Variants in RPS6KC1 observed in about 807,000 individuals in gnomAD.
RPS6KC1 encodes the protein inactive ribosomal protein S6 kinase delta-1.
RPS6KC1 carries 54 observed loss-of-function variants against 103.8 expected under a neutral mutation model. The ratio of observed to expected loss-of-function variants is 0.52; its 90% CI spans 0.42 to 0.65. The LOEUF (loss-of-function observed/expected upper bound fraction) is 0.65, where lower values mean the gene tolerates loss of function less well. Ranked by LOEUF, RPS6KC1 falls within the 30% of genes least tolerant of loss-of-function variation. RPS6KC1 has a pLI of 0.00. For synonymous variants in RPS6KC1, 439 were observed against 438.7 expected (o/e 1.00, Z -0.01); for missense variants, 1,151 against 1,253.8 (o/e 0.92, Z 1.24).
the RPS6KC1 span, among the ~76,000 whole-genome samples, chr1:213,727,156 G>A: frequency 2.0e-5 from 3 of 152,216 alleles, no homozygotes; most frequent in Admixed American, 2.0e-4. Flanking sequence ...ATATGAATGA[G>A]TGGATGCACT....
chr1:213,666,488 G>A, the RPS6KC1 span, among the ~76,000 whole-genome samples: 1 of 152,148 alleles, frequency 6.6e-6, no homozygotes, highest in African/African-American at 2.4e-5. Context: ...CTCTAACAGT[G>A]GAATTCCTGG....
chr1:213,667,266 T>G, the RPS6KC1 span, among the ~76,000 whole-genome samples: 7 of 152,162 alleles, frequency 4.6e-5, no homozygotes, highest in African/African-American at 1.7e-4. Context: ...TTGCAAATTT[T>G]TATATATAGG....
At chr1:213,384,915 G>C in the RPS6KC1 span, among the ~76,000 whole-genome samples, 1 of 152,202 alleles carries the variant, frequency 6.6e-6, no homozygotes, top group Non-Finnish European at 1.5e-5. Context: ...TGCTGGTGCA[G>C]GGATTTTAAA....
chr1:213,544,244 G>C, the RPS6KC1 span, among the ~76,000 whole-genome samples: 2 of 152,164 alleles, frequency 1.3e-5, no homozygotes, highest in African/African-American at 4.8e-5. Flanking sequence ...TCCTTCTGCT[G>C]CAGGAGGTAG....
At chr1:213,180,036 T>C (rs1020474670) in intron 8 of RPS6KC1, among the ~76,000 whole-genome samples, 1 of 152,194 alleles carries the variant, frequency 6.6e-6, no homozygotes, top group Non-Finnish European at 1.5e-5. Flanking sequence ...TATGTTGATT[T>C]AGTATTCAAA....
the RPS6KC1 span, among the ~76,000 whole-genome samples, chr1:213,283,513 G>C: frequency 6.6e-6 from 1 of 152,222 alleles, no homozygotes; most frequent in African/African-American, 2.4e-5. Context: ...CTGAGAACAG[G>C]AGAACCCCAA....
chr1:213,351,895 C>G, the RPS6KC1 span, among the ~76,000 whole-genome samples: 5,970 of 152,128 alleles, frequency 0.039, 382 homozygotes, highest in African/African-American at 0.14. Flanking sequence ...AATGTATATA[C>G]AGGTATGCTG....
intron 4 of RPS6KC1, among the ~76,000 whole-genome samples, chr1:213,117,034 A>G (rs908265197): frequency 2.6e-5 from 4 of 152,138 alleles, no homozygotes; most frequent in African/African-American, 7.2e-5. Context: ...GTTTAGGTTT[A>G]TAGAAAAATT....
At chr1:213,515,417 G>A in the RPS6KC1 span, among the ~76,000 whole-genome samples, 1 of 152,172 alleles carries the variant, frequency 6.6e-6, no homozygotes, top group Non-Finnish European at 1.5e-5. Flanking sequence ...TAAGGTATAA[G>A]GAAGGGATCC....
the RPS6KC1 span, among the ~76,000 whole-genome samples, chr1:213,396,761 C>T: frequency 9.8e-5 from 15 of 152,316 alleles, no homozygotes; most frequent in East Asian, 2.9e-3. Context: ...CGCTCCTGCA[C>T]CTGGCACTGT....
At chr1:213,433,381 A>C in the RPS6KC1 span, among the ~76,000 whole-genome samples, 1 of 152,202 alleles carries the variant, frequency 6.6e-6, no homozygotes, top group Non-Finnish European at 1.5e-5. Context: ...CCCCCTTTTC[A>C]GTGTAAGGTA....
At chr1:213,738,560 T>C in the RPS6KC1 span, among the ~76,000 whole-genome samples, 1 of 151,782 alleles carries the variant, frequency 6.6e-6, no homozygotes, top group Non-Finnish European at 1.5e-5. Context: ...AACAGTAAAA[T>C]AGAACAGAAA....
intron 3 of RPS6KC1, among the ~76,000 whole-genome samples, chr1:213,079,612 T>C (rs538445704): frequency 3.9e-5 from 6 of 151,940 alleles, no homozygotes; most frequent in Non-Finnish European, 5.9e-5. Context: ...GAAATGGGGT[T>C]TCACCACATT....
the RPS6KC1 span, among the ~76,000 whole-genome samples, chr1:213,808,073 G>T: frequency 3.3e-3 from 496 of 152,286 alleles, 3 homozygotes; most frequent in African/African-American, 0.011. Flanking sequence ...TATCAGCAGC[G>T]GTGTCTGCAG....
chr1:213,433,508 G>T, the RPS6KC1 span, among the ~76,000 whole-genome samples: 31 of 152,304 alleles, frequency 2.0e-4, no homozygotes, highest in African/African-American at 7.0e-4. Context: ...GGCATGAAAT[G>T]GCTGGATCAT....
At chr1:213,847,669 C>T in the RPS6KC1 span, among the ~76,000 whole-genome samples, 1 of 152,104 alleles carries the variant, frequency 6.6e-6, no homozygotes, top group Admixed American at 6.5e-5. Context: ...CATCCCTTGA[C>T]CCTCTCCTGT....
chr1:213,707,667 C>T, the RPS6KC1 span, among the ~76,000 whole-genome samples: 7 of 152,126 alleles, frequency 4.6e-5, no homozygotes, highest in South Asian at 8.3e-4. Context: ...GGGTTTTTAT[C>T]GTTTTATGTC....
At chr1:213,783,815 C>CAAA in the RPS6KC1 span, among the ~76,000 whole-genome samples, 261 of 65,978 alleles carry the variant, frequency 4.0e-3, 7 homozygotes, top group East Asian at 0.014. Flanking sequence ...AAGATGTTGC[C>CAAA]AAAAAAAAAA....
At chr1:213,308,316 GA>G in the RPS6KC1 span, among the ~76,000 whole-genome samples, 4,016 of 55,864 alleles carry the variant, frequency 0.072, 127 homozygotes, top group African/African-American at 0.2. Context: ...CCTGTCTCCA[GA>G]AAAAAAAAAA....
Sources: allele counts gnomAD v4.1 joint callset (sites outside exome capture counted in the v4.1 genomes callset), GRCh38; gene constraint gnomAD v4.1.1; transcripts MANE v1.5; gene names NCBI Gene and HGNC (gene_info 2026-07-23, HGNC 2026-07-21).